ARHGEF11: variants seen among roughly 807,000 people sequenced by gnomAD.
ARHGEF11 encodes the protein Rho guanine exchange factor (GEF) 11.
ARHGEF11 carries 55 observed loss-of-function variants against 193.7 expected under a neutral mutation model. That is an observed-to-expected ratio of 0.28 (90% CI 0.23 to 0.36). The LOEUF (loss-of-function observed/expected upper bound fraction) is 0.36, where lower values mean the gene tolerates loss of function less well. ARHGEF11 is among the 10% of genes least tolerant of loss of function. ARHGEF11 has a pLI of 1.00. For missense variants in ARHGEF11, 1,723 were observed against 2,005.6 expected, an observed-to-expected ratio of 0.86 and a Z score of 2.69; for synonymous variants, 693 against 768.0, an observed-to-expected ratio of 0.90 and a Z score of 1.62.
intron 10 of ARHGEF11, among the ~76,000 whole-genome samples, chr1:156,968,749 T>C (rs570902611): frequency 1.3e-5 from 2 of 152,384 alleles, no homozygotes; most frequent in East Asian, 1.9e-4. Flanking sequence ...TTGCCGTTCA[T>C]AGTTTACATG....
intron 1 of ARHGEF11, among the ~76,000 whole-genome samples, chr1:156,997,718 A>G (rs562891835): frequency 6.6e-6 from 1 of 152,278 alleles, no homozygotes; most frequent in East Asian, 1.9e-4. Flanking sequence ...TACACTGTAT[A>G]AAATGCACAT....
At chr1:156,937,640 C>A in intron 38 of ARHGEF11, 144 bp from the exon 39 acceptor site, 2 of 826,714 alleles carry the variant, frequency 2.4e-6, no homozygotes, top group South Asian at 4.6e-5. Context: ...GGGCCTTGCT[C>A]ACTGTCTGCC....
At chr1:157,008,283 G>A (rs1224205485) in intron 1 of ARHGEF11, among the ~76,000 whole-genome samples, 1 of 152,098 alleles carries the variant, frequency 6.6e-6, no homozygotes, top group African/African-American at 2.4e-5. Context: ...ACCCTCCAAT[G>A]TGATGGCATT....
intron 35 of ARHGEF11, 89 bp from the exon 36 acceptor site, chr1:156,940,514 G>C (rs1656607065): frequency 8.3e-7 from 1 of 1,203,666 alleles, no homozygotes. Context: ...CCAAGGGGCT[G>C]GGAACACTGA....
chr1:156,951,473 T>C (rs2101995736), intron 22 of ARHGEF11, 100 bp downstream of exon 22: 1 of 1,503,824 alleles, frequency 6.6e-7, no homozygotes, highest in East Asian at 2.3e-5. Flanking sequence ...CCTTAGAAGC[T>C]AGTGGAGAGG....
intron 2 of ARHGEF11, chr1:156,985,785 G>C (rs1376234224): frequency 5.2e-6 from 1 of 191,814 alleles, no homozygotes; most frequent in Non-Finnish European, 1.1e-5. Context: ...GCCCGGGCTG[G>C]AGTACAGTGG....
At chr1:157,013,639 T>C (rs1221977600) in intron 1 of ARHGEF11, among the ~76,000 whole-genome samples, 1 of 152,134 alleles carries the variant, frequency 6.6e-6, no homozygotes, top group African/African-American at 2.4e-5. Flanking sequence ...TTTTCTTCCC[T>C]TAATTTTCAT....
intron 3 of ARHGEF11, among the ~76,000 whole-genome samples, chr1:156,983,685 A>C (rs1254269286): frequency 6.6e-6 from 1 of 152,118 alleles, no homozygotes. Flanking sequence ...CTTCCCACCA[A>C]ATTCCTATCC....
chr1:156,958,193 T>C (rs1224019832), intron 17 of ARHGEF11, among the ~76,000 whole-genome samples: 3 of 152,198 alleles, frequency 2.0e-5, no homozygotes, highest in African/African-American at 4.8e-5. Context: ...CCATAAAGTC[T>C]GTGATACTGG....
chr1:156,980,844 G>A lies in ARHGEF11; in HGVS notation c.224-358C>T, dbSNP rs948612379. 2.7e-5 allele frequency among the ~76,000 whole-genome samples: 3 copies of A among 111,478 alleles called. 1 individual carries two copies. The highest frequency in any genetic ancestry group is 6.0e-4 in the East Asian group (2 of 3,336). The allele number at this position is 111,478 out of a possible 152,430, so 73.1% of individuals were successfully genotyped here. Reference sequence around the variant, plus strand: ...AATCAGTTATATTCCGGGGGGGGGGGGGGAAATGAGTTTACTGTATGAAAC... The same window carrying A: ...AATCAGTTATATTCCGGGGGGGGGGAGGGAAATGAGTTTACTGTATGAAAC... On this transcript the variant is annotated intron_variant, in intron 3 of 40. Transcript: ENST00000368194.
At chr1:157,012,029 A>C (rs1026561815) in intron 1 of ARHGEF11, among the ~76,000 whole-genome samples, 3 of 152,222 alleles carry the variant, frequency 2.0e-5, no homozygotes, top group African/African-American at 7.2e-5. Flanking sequence ...TTGTACATGA[A>C]GGTTCATAGT....
chr1:157,013,658 C>G (rs1245947755), intron 1 of ARHGEF11, among the ~76,000 whole-genome samples: 4 of 152,044 alleles, frequency 2.6e-5, no homozygotes, highest in African/African-American at 9.7e-5. Context: ...ATGACTTTCA[C>G]TCCCATCCCC....
chr1:157,004,138 CT>C (rs1219125983), intron 1 of ARHGEF11, among the ~76,000 whole-genome samples: 1 of 152,220 alleles, frequency 6.6e-6, no homozygotes, highest in Admixed American at 6.5e-5. Context: ...AGTTGACATT[CT>C]AACTTTAACC....
rs1239043851 is a variant in ARHGEF11 at position 156,951,612 on chromosome 1, G to C, written c.1886C>G (p.Ser629Trp). The change falls in exon 22 of 41, where the codon TCG becomes TGG. Residue 629 changes from serine to tryptophan, a missense_variant. Ser to Trp is a radical substitution (Grantham distance 177). This residue lies in a region of ARHGEF11 where 491 missense variants were observed against 654.5 expected (regional missense o/e 0.75). Transcript: ENST00000368194. ...CAGGTCCTCAGGAAAGCTTCCGGTC[G>C]AGAGTCGTTGTGTCCCAGGTTCTGG... Reference protein sequence around the residue: ...DAPEPGTQRLSTGSFPEDLLE... With the variant: ...DAPEPGTQRLWTGSFPEDLLE... 1.2e-6 allele frequency: 2 copies of C among 1,614,192 alleles called. No individual in the cohort carries two copies. Among genetic ancestry groups the C allele is most frequent in the African/African-American group, 1.3e-5 (1 of 75,054 alleles).
At chr1:157,025,839 AC>A (rs1557973777) in intron 1 of ARHGEF11, among the ~76,000 whole-genome samples, 1 of 152,220 alleles carries the variant, frequency 6.6e-6, no homozygotes, top group East Asian at 1.9e-4. Context: ...AAACTAAGTC[AC>A]TTGGAGGGAG....
At chr1:156,979,333 G>A in intron 4 of ARHGEF11, 47 bp from the exon 5 acceptor site, 1 of 1,476,720 alleles carries the variant, frequency 6.8e-7, no homozygotes, top group Non-Finnish European at 9.4e-7. Context: ...GAACAGCTAG[G>A]GGATCCTTCT....
chr1:156,957,940 A>G, intron 17 of ARHGEF11, 125 bp from the exon 18 acceptor site: 1 of 833,330 alleles, frequency 1.2e-6, no homozygotes, highest in Non-Finnish European at 2.0e-6. Context: ...AAAGGAGAGA[A>G]GTACGTCTGA....
At chr1:156,943,757 C>A (rs1657563271) in intron 32 of ARHGEF11, among the ~76,000 whole-genome samples, 178 bp downstream of exon 32, 1 of 152,190 alleles carries the variant, frequency 6.6e-6, no homozygotes, top group Non-Finnish European at 1.5e-5. Context: ...CCCATCCTAA[C>A]CCTCATCCTA....
Position 157,018,269 on chromosome 1 carries a change from T to C in ARHGEF11, c.32+26030A>G, listed in dbSNP as rs569405412. Among the ~76,000 whole-genome samples, 316 of 152,358 alleles carry C rather than the reference T, an allele frequency of 2.1e-3. 1 individual carries two copies. Among genetic ancestry groups the C allele is most frequent in the African/African-American group, 7.4e-3 (306 of 41,592 alleles). Reference sequence around the variant, plus strand: ...TGCCAATTCTCTCTGAACTGATCTATGGTTTCTGCACAATCCCAATCATAA... The same window carrying C: ...TGCCAATTCTCTCTGAACTGATCTACGGTTTCTGCACAATCCCAATCATAA... On this transcript the variant is annotated intron_variant, in intron 1 of 40. Transcript: ENST00000368194.
Sources: gnomAD v4.1 joint callset for allele counts (sites outside exome capture counted in the v4.1 genomes callset) on GRCh38, gnomAD v4.1.1 for gene constraint, gnomAD v4.1.1 regional missense constraint, MANE v1.5 for transcripts, NCBI Gene and HGNC (gene_info 2026-07-23, HGNC 2026-07-21) for gene names.